Variants in SLC16A1 observed in about 807,000 individuals in gnomAD.
SLC16A1 encodes solute carrier family 16 member 1, also known as monocarboxylate transporter 1.
A neutral mutation model predicts 32.2 loss-of-function variants in SLC16A1; 11 were observed. The observed-to-expected ratio is 0.34, with a 90% CI of 0.21 to 0.56. The LOEUF (loss-of-function observed/expected upper bound fraction) is 0.56, where lower values mean the gene tolerates loss of function less well. Among genes scored for constraint, SLC16A1 ranks in the 20% least tolerant of loss-of-function variants. SLC16A1 has a pLI of 0.87. For synonymous variants in SLC16A1, 231 were observed against 226.8 expected, an observed-to-expected ratio of 1.02 and a Z score of -0.17; for missense variants, 435 against 615.0, an observed-to-expected ratio of 0.71 and a Z score of 3.10.
intron 1 of SLC16A1, among the ~76,000 whole-genome samples, chr1:112,936,865 G>T (rs1275878381): frequency 6.6e-6 from 1 of 152,186 alleles, no homozygotes. Flanking sequence ...TTTAAAAATT[G>T]AAGGTCTTTG....
Position 112,911,967 on chromosome 1 carries a change from A to G in SLC16A1, c.*1924T>C, listed in dbSNP as rs1451818072. 1 of 152,224 alleles carries G rather than the reference A, an allele frequency of 6.6e-6. No homozygotes were observed. 9.4% of individuals were successfully genotyped at this position (152,224 alleles called of 1,614,324 possible). A position where few individuals can be genotyped will look rare whatever the true frequency, so the allele number is the denominator to read the frequency against. On this transcript the variant is annotated 3_prime_UTR_variant, in exon 5 of 5. Coordinates refer to ENST00000369626, the MANE Select transcript of SLC16A1 (RefSeq NM_003051.4). Reference sequence around the variant, plus strand: ...GAGAAGAAGTACGCAGAGGTTACAGACTTGGGTCCAAAGAAAATTACAGAG... The same window carrying G: ...GAGAAGAAGTACGCAGAGGTTACAGGCTTGGGTCCAAAGAAAATTACAGAG...
At chr1:112,924,105 C>T (rs995160998) in intron 2 of SLC16A1, 7 of 1,340,396 alleles carry the variant, frequency 5.2e-6, no homozygotes, top group Non-Finnish European at 7.5e-6. Context: ...GAAGGCCCTG[C>T]AGGCCGCGTA....
At position 112,912,403 on chromosome 1, in the gene SLC16A1, T is replaced by C. The variant is rs899854151; in HGVS notation, c.*1488A>G. 6.6e-6 allele frequency: 1 copy of C among 152,196 alleles called. No individual in the cohort carries two copies. The highest frequency in any genetic ancestry group is 1.5e-5 in the Non-Finnish European group (1 of 68,020). 9.4% of individuals were successfully genotyped at this position (152,196 alleles called of 1,614,324 possible). ...GGAAAAGTCAGCCTCTTACACAAGG[T>C]TTTGTATCTATACTTTTACTCTGTC... On this transcript the variant is annotated 3_prime_UTR_variant, in exon 5 of 5. Coordinates refer to ENST00000369626, the MANE Select transcript of SLC16A1 (RefSeq NM_003051.4).
intron 1 of SLC16A1, among the ~76,000 whole-genome samples, chr1:112,940,598 A>G (rs1345014126): frequency 7.2e-5 from 11 of 152,194 alleles, no homozygotes; most frequent in Admixed American, 6.5e-4. Context: ...TCTGATGTAT[A>G]ACAGGGATGT....
intron 3 of SLC16A1, among the ~76,000 whole-genome samples, chr1:112,921,673 A>G (rs935346428): frequency 6.6e-6 from 1 of 152,194 alleles, no homozygotes; most frequent in African/African-American, 2.4e-5. Flanking sequence ...TTATGTGGAC[A>G]TTCTATCAAA....
rs541066883 is a variant in SLC16A1 at position 112,949,915 on chromosome 1, G to A, written c.-45+6120C>T. 5.3e-5 allele frequency among the ~76,000 whole-genome samples: 8 copies of A among 152,158 alleles called. 1 individual carries two copies. Among genetic ancestry groups the A allele is most frequent in the Admixed American group, 5.2e-4 (8 of 15,286 alleles). On this transcript the variant is annotated intron_variant, in intron 1 of 4. Coordinates refer to ENST00000369626, the MANE Select transcript of SLC16A1 (RefSeq NM_003051.4). ...ATACTTTAATTGCAATTAACAATGT[G>A]CTTTTAAAAAATAAAATAAGATCCA...
chr1:112,932,793 CA>C (rs34232032), intron 1 of SLC16A1, among the ~76,000 whole-genome samples: 1,674 of 57,070 alleles, frequency 0.029, 16 homozygotes, highest in African/African-American at 0.085. Context: ...GACTCCGTCG[CA>C]AAAAAAAAAA....
chr1:112,935,369 ACTGTAC>A (rs1376418012), intron 1 of SLC16A1, among the ~76,000 whole-genome samples: 4 of 152,136 alleles, frequency 2.6e-5, no homozygotes, highest in Admixed American at 2.6e-4. Flanking sequence ...AGATTGCACT[ACTGTAC>A]TACAGCCTGG....
In SLC16A1 at chr1:112,929,355, G is replaced by T. The variant is rs1471466562; in HGVS notation, c.-44-3C>A. 6.7e-7 allele frequency: 1 copy of T among 1,486,498 alleles called. No individual in the cohort carries two copies. The highest frequency in any genetic ancestry group is 2.3e-5 in the East Asian group (1 of 43,908). 92.1% of individuals were successfully genotyped at this position (1,486,498 alleles called of 1,614,324 possible). On this transcript the variant is annotated splice_polypyrimidine_tract_variant and splice_region_variant and intron_variant, in intron 1 of 4. Coordinates refer to ENST00000369626, the MANE Select transcript of SLC16A1 (RefSeq NM_003051.4). ...AAATGCAGGTCAAATCCAAATATCT[G>T]AAAGACATAAAATTAAAATAGTATG...
At chr1:112,946,797 C>A (rs1292405388) in intron 1 of SLC16A1, among the ~76,000 whole-genome samples, 1 of 152,222 alleles carries the variant, frequency 6.6e-6, no homozygotes, top group Admixed American at 6.5e-5. Context: ...AGATGATCCA[C>A]CCAACTCAGC....
At chr1:112,921,458 A>T (rs1194061501) in intron 3 of SLC16A1, among the ~76,000 whole-genome samples, 1 of 152,214 alleles carries the variant, frequency 6.6e-6, no homozygotes, top group Non-Finnish European at 1.5e-5. Context: ...ACATAATTTG[A>T]TCCTTTTTTG....
At chr1:112,927,012 G>C (rs1237608628) in intron 2 of SLC16A1, among the ~76,000 whole-genome samples, 1 of 151,322 alleles carries the variant, frequency 6.6e-6, no homozygotes, top group African/African-American at 2.4e-5. Context: ...AGGGCCACCT[G>C]CTACTGGGGA....
intron 1 of SLC16A1, among the ~76,000 whole-genome samples, chr1:112,950,822 C>T (rs1003000951): frequency 3.3e-5 from 5 of 152,072 alleles, no homozygotes; most frequent in African/African-American, 1.2e-4. Context: ...CATAGTGAGA[C>T]CCTATCACTA....
intron 2 of SLC16A1, chr1:112,924,289 C>G (rs532865087): frequency 4.2e-6 from 6 of 1,434,342 alleles, no homozygotes; most frequent in African/African-American, 2.8e-5. Context: ...GTTGTGGAGG[C>G]CTTTAATCAA....
At chr1:112,942,537 C>T (rs1649544274) in intron 1 of SLC16A1, among the ~76,000 whole-genome samples, 1 of 152,158 alleles carries the variant, frequency 6.6e-6, no homozygotes. Flanking sequence ...AGACAGCTGC[C>T]TGGCAATCAA....
At chr1:112,924,089 G>C (rs898201931) in intron 2 of SLC16A1, 7 of 1,304,590 alleles carry the variant, frequency 5.4e-6, no homozygotes, top group Admixed American at 1.7e-5. Context: ...GCATTGCCCT[G>C]GTAGAGAAGG....
intron 1 of SLC16A1, among the ~76,000 whole-genome samples, chr1:112,954,693 T>C (rs528934372): frequency 5.3e-5 from 8 of 152,344 alleles, no homozygotes; most frequent in African/African-American, 1.9e-4. Flanking sequence ...AACTTGCATA[T>C]TTAACAATGG....
chr1:112,932,903 G>C (rs1239980442), intron 1 of SLC16A1, among the ~76,000 whole-genome samples: 7 of 150,902 alleles, frequency 4.6e-5, no homozygotes, highest in Non-Finnish European at 8.8e-5. Context: ...CATCAAATAA[G>C]TGAATTTGAC....
At chr1:112,937,667 T>C (rs1297537671) in intron 1 of SLC16A1, among the ~76,000 whole-genome samples, 2 of 152,052 alleles carry the variant, frequency 1.3e-5, no homozygotes, top group Non-Finnish European at 2.9e-5. Flanking sequence ...GTACTCAGAG[T>C]TCCCTTGAGA....
Sources: allele counts gnomAD v4.1 joint callset (sites outside exome capture counted in the v4.1 genomes callset), GRCh38; gene constraint gnomAD v4.1.1; transcripts MANE v1.5; gene names NCBI Gene and HGNC (gene_info 2026-07-23, HGNC 2026-07-21).